PLCB1: variants seen among roughly 807,000 people sequenced by gnomAD.
The protein encoded by PLCB1 is phospholipase C beta 1.
A neutral mutation model predicts 161.8 loss-of-function variants in PLCB1; 46 were observed. The ratio of observed to expected loss-of-function variants is 0.28; its 90% CI spans 0.22 to 0.36. The LOEUF (loss-of-function observed/expected upper bound fraction) is 0.36. Ranked by LOEUF, PLCB1 falls within the 10% of genes least tolerant of loss-of-function variation. The pLI is 1.00. For synonymous variants in PLCB1, 517 were observed against 503.7 expected (o/e 1.03, Z -0.35); for missense variants, 1,016 against 1,472.5 (o/e 0.69, Z 5.07).
rs139585499 is a variant in PLCB1, at chr20:8,884,048, C to G, written c.*2199C>G. 6 of 152,244 alleles carry G rather than the reference C, an allele frequency of 3.9e-5. No individual in the cohort carries two copies. Among genetic ancestry groups the G allele is most frequent in the African/African-American group, 1.2e-4 (5 of 41,524 alleles). 9.4% of individuals were successfully genotyped at this position (152,244 alleles called of 1,614,324 possible). On this transcript the variant is annotated 3_prime_UTR_variant, in exon 32 of 32. Transcript: ENST00000338037. ...CCAGAGATAGAATAAAGTTGAATAACCTTGACTTACACAAAACTGTTTTGG... is the reference window on the plus strand; with the variant it reads ...CCAGAGATAGAATAAAGTTGAATAAGCTTGACTTACACAAAACTGTTTTGG...
chr20:8,412,877 T>A (rs114903005), intron 3 of PLCB1, among the ~76,000 whole-genome samples: 2,571 of 152,166 alleles, frequency 0.017, 56 homozygotes, highest in African/African-American at 0.054. Flanking sequence ...TATATTTGGG[T>A]TTTGGCATAA....
At chr20:8,394,383 C>T (rs1316839543) in intron 3 of PLCB1, among the ~76,000 whole-genome samples, 3 of 152,216 alleles carry the variant, frequency 2.0e-5, no homozygotes, top group Admixed American at 6.5e-5. Flanking sequence ...AGTTTCTTTT[C>T]GGTTCCTGGT....
At chr20:8,871,847 T>A (rs1024460594) in intron 31 of PLCB1, among the ~76,000 whole-genome samples, 1 of 152,216 alleles carries the variant, frequency 6.6e-6, no homozygotes, top group Non-Finnish European at 1.5e-5. Flanking sequence ...TTACACAATA[T>A]TAATTAATAA....
At chr20:8,312,183 C>G (rs1304430097) in intron 2 of PLCB1, among the ~76,000 whole-genome samples, 1 of 152,066 alleles carries the variant, frequency 6.6e-6, no homozygotes, top group Non-Finnish European at 1.5e-5. Flanking sequence ...TGGAAGTTAT[C>G]TAGCCAGGGT....
At chr20:8,694,319 G>T (rs1432088984) in intron 10 of PLCB1, among the ~76,000 whole-genome samples, 1 of 152,128 alleles carries the variant, frequency 6.6e-6, no homozygotes, top group Non-Finnish European at 1.5e-5. Flanking sequence ...CTTTGGGAGG[G>T]TTCCATTTCT....
chr20:8,289,938 C>A lies in PLCB1; in HGVS notation c.178-81444C>A, dbSNP rs114037083. On this transcript the variant is annotated intron_variant, in intron 2 of 31. Coordinates refer to ENST00000338037, the MANE Select transcript of PLCB1 (RefSeq NM_015192.4). Reference sequence around the variant, plus strand: ...ATGGCAGTTATAATTTCTCAAAGATCATTTGATTCATCTTTTGTAATATTT... The same window carrying A: ...ATGGCAGTTATAATTTCTCAAAGATAATTTGATTCATCTTTTGTAATATTT... 6.0e-3 allele frequency among the ~76,000 whole-genome samples: 914 copies of A among 152,288 alleles called. 13 individuals carry two copies. The highest frequency in any genetic ancestry group is 0.02 in the African/African-American group (811 of 41,554).
intron 2 of PLCB1, among the ~76,000 whole-genome samples, chr20:8,193,934 A>G (rs559910794): frequency 1.3e-5 from 2 of 152,050 alleles, no homozygotes; most frequent in South Asian, 2.1e-4. Context: ...CTTCTTTCCA[A>G]TATAGATGTG....
intron 3 of PLCB1, among the ~76,000 whole-genome samples, chr20:8,606,319 A>T (rs567457014): frequency 3.2e-4 from 49 of 152,236 alleles, no homozygotes; most frequent in Middle Eastern, 3.4e-3. Context: ...TTCTCCATGG[A>T]TTTGCAAAAT....
chr20:8,617,848 A>C (rs1388667878), intron 3 of PLCB1, among the ~76,000 whole-genome samples: 10 of 152,204 alleles, frequency 6.6e-5, no homozygotes, highest in Non-Finnish European at 1.2e-4. Flanking sequence ...TTATATATAT[A>C]TCTTTTTAAT....
chr20:8,444,407 C>T (rs2122624147), intron 3 of PLCB1, among the ~76,000 whole-genome samples: 1 of 152,310 alleles, frequency 6.6e-6, no homozygotes. Flanking sequence ...CATAGTATTC[C>T]ATGGTGTATA....
Position 8,394,374 on chromosome 20 carries a change from G to A in PLCB1, c.246+22924G>A, listed in dbSNP as rs79243358. On this transcript the variant is annotated intron_variant, in intron 3 of 31. Coordinates refer to ENST00000338037, the MANE Select transcript of PLCB1 (RefSeq NM_015192.4). ...GGAGCAATAACTTTTAATAGTCATA[G>A]TTTCTTTTCGGTTCCTGGTGTGTGT... is the stretch of plus-strand genomic sequence containing the variant. 9.6e-3 allele frequency among the ~76,000 whole-genome samples: 1,469 copies of A among 152,250 alleles called. 23 individuals are homozygous for A. Among genetic ancestry groups the A allele is most frequent in the African/African-American group, 0.034 (1,412 of 41,520 alleles).
At chr20:8,833,323 T>A (rs1986103963) in intron 31 of PLCB1, among the ~76,000 whole-genome samples, 1 of 152,168 alleles carries the variant, frequency 6.6e-6, no homozygotes, top group Non-Finnish European at 1.5e-5. Context: ...AGGGGAACTG[T>A]CCTTTATAAA....
At chr20:8,268,326 A>G (rs1353644727) in intron 2 of PLCB1, among the ~76,000 whole-genome samples, 3 of 152,260 alleles carry the variant, frequency 2.0e-5, no homozygotes, top group South Asian at 2.1e-4. Flanking sequence ...ATAGTATTCC[A>G]TGGTATATAT....
intron 3 of PLCB1, among the ~76,000 whole-genome samples, chr20:8,460,885 T>A (rs1015892448): frequency 1.3e-5 from 2 of 152,086 alleles, no homozygotes; most frequent in South Asian, 4.1e-4. Context: ...ATAGGAACAG[T>A]GCTGAGAGCA....
At chr20:8,356,914 G>C (rs1986379825) in intron 2 of PLCB1, among the ~76,000 whole-genome samples, 1 of 152,176 alleles carries the variant, frequency 6.6e-6, no homozygotes, top group Non-Finnish European at 1.5e-5. Context: ...CTAAATATGA[G>C]TTCAGGGCCT....
chr20:8,376,655 G>A (rs565436069), intron 3 of PLCB1, among the ~76,000 whole-genome samples: 109 of 152,276 alleles, frequency 7.2e-4, no homozygotes, highest in Non-Finnish European at 1.1e-3. Context: ...TCAGCCGGGC[G>A]CAGTGGCTCA....
At chr20:8,620,057 A>G (rs2123194176) in intron 3 of PLCB1, among the ~76,000 whole-genome samples, 1 of 152,250 alleles carries the variant, frequency 6.6e-6, no homozygotes, top group East Asian at 1.9e-4. Flanking sequence ...CCTGAGCTTC[A>G]ACTTAGTTTT....
Position 8,538,939 on chromosome 20 carries a change from G to A in PLCB1, c.247-89355G>A, listed in dbSNP as rs1007478887. 8.6e-5 allele frequency among the ~76,000 whole-genome samples: 13 copies of A among 151,518 alleles called. No homozygotes were observed. In the South Asian group the frequency reaches 1.0e-3, roughly 12 times the overall value. On this transcript the variant is annotated intron_variant, in intron 3 of 31. Coordinates refer to ENST00000338037, the MANE Select transcript of PLCB1 (RefSeq NM_015192.4). ...CTTCTGAGTAGCTGGGATTACAGGC[G>A]CCTGCCACCACGCCAGCTAATTTTT...
At chr20:8,559,667 C>T (rs1029163634) in intron 3 of PLCB1, among the ~76,000 whole-genome samples, 1 of 151,932 alleles carries the variant, frequency 6.6e-6, no homozygotes, top group Non-Finnish European at 1.5e-5. Flanking sequence ...AATAGCTATA[C>T]TAATATCAGT....
Sources: gnomAD v4.1 joint callset for allele counts (sites outside exome capture counted in the v4.1 genomes callset) on GRCh38, gnomAD v4.1.1 for gene constraint, MANE v1.5 for transcripts, NCBI Gene and HGNC (gene_info 2026-07-23, HGNC 2026-07-21) for gene names.